The following NEBL variants were observed in gnomAD, a reference collection of about 807,000 sequenced individuals.
NEBL encodes LIM and SH3 protein 2.
A neutral mutation model predicts 140.2 loss-of-function variants in NEBL; 122 were observed. The observed-to-expected ratio is 0.87, with a 90% CI of 0.75 to 1.01. NEBL has a LOEUF of 1.01. Ranked by LOEUF, NEBL falls within the 50% of genes least tolerant of loss-of-function variation. NEBL has a pLI of 0.00. For synonymous variants in NEBL, 436 were observed against 398.9 expected, an observed-to-expected ratio of 1.09 and a Z score of -1.11; for missense variants, 1,365 against 1,231.3, an observed-to-expected ratio of 1.11 and a Z score of -1.62.
chr10:20,786,493 G>A (rs1835419574), intron 27 of NEBL, among the ~76,000 whole-genome samples: 1 of 152,170 alleles, frequency 6.6e-6, no homozygotes, highest in Admixed American at 6.5e-5. Context: ...TGATTATAAT[G>A]AGTTTTCCTA....
chr10:21,171,301 C>A (rs1337076478), intron 2 of NEBL, among the ~76,000 whole-genome samples: 1 of 145,438 alleles, frequency 6.9e-6, no homozygotes, highest in Admixed American at 7.0e-5. Flanking sequence ...TGCCATTGCA[C>A]TACAGCCTGG....
chr10:21,176,705 G>T (rs1841305725), upstream of NEBL, among the ~76,000 whole-genome samples: 1 of 152,128 alleles, frequency 6.6e-6, no homozygotes, highest in South Asian at 2.1e-4. Context: ...ATTGTTCCTT[G>T]TGTTAACTCT....
chr10:21,061,606 T>C (rs1467928120), intron 2 of NEBL, among the ~76,000 whole-genome samples: 1 of 151,460 alleles, frequency 6.6e-6, no homozygotes, highest in East Asian at 1.9e-4. Flanking sequence ...TAAACTTATC[T>C]GACGTTGGGA....
intron 3 of NEBL, among the ~76,000 whole-genome samples, chr10:21,221,242 AT>A (rs1326370951): frequency 6.6e-6 from 1 of 152,228 alleles, no homozygotes; most frequent in Admixed American, 6.5e-5. Flanking sequence ...ATATATAAAA[AT>A]ATCACGTTGT....
chr10:21,258,026 T>C (rs1842684345), intron 1 of NEBL, among the ~76,000 whole-genome samples: 1 of 152,218 alleles, frequency 6.6e-6, no homozygotes, highest in Non-Finnish European at 1.5e-5. Flanking sequence ...GATAAGATCT[T>C]GTGTTGTATT....
intron 2 of NEBL, among the ~76,000 whole-genome samples, chr10:21,094,723 C>T (rs1157644404): frequency 2.0e-5 from 3 of 152,102 alleles, no homozygotes; most frequent in Non-Finnish European, 4.4e-5. Flanking sequence ...GTAAATGGGA[C>T]TCTTGGGTGG....
chr10:21,189,921 C>A lies in NEBL; in HGVS notation n.349-17444G>T, dbSNP rs373337990. Reference sequence around the variant, plus strand: ...CCTTCTGGGCATCACAGCATCTCATCTCTGACTGATGCAAAATAACAGCTT... The same window carrying A: ...CCTTCTGGGCATCACAGCATCTCATATCTGACTGATGCAAAATAACAGCTT... On this transcript the variant is annotated intron_variant and non_coding_transcript_variant, in intron 3 of 8. Transcript: ENST00000675702. 3.9e-5 allele frequency among the ~76,000 whole-genome samples: 6 copies of A among 152,330 alleles called. No individual in the cohort carries two copies. The South Asian group carries it at 8.3e-4, about 21-fold the overall frequency.
At chr10:21,286,883 T>A (rs10828230) in intron 1 of NEBL, among the ~76,000 whole-genome samples, 6 of 151,758 alleles carry the variant, frequency 4.0e-5, no homozygotes, top group Non-Finnish European at 7.4e-5. Context: ...ACTGTAGAAA[T>A]CATACAGGAA....
chr10:21,243,901 A>G (rs891394648), intron 3 of NEBL, among the ~76,000 whole-genome samples: 15 of 142,756 alleles, frequency 1.1e-4, no homozygotes, highest in Non-Finnish European at 2.1e-4. Context: ...AGAGAGAGGA[A>G]GGAAGGAAGG....
At chr10:20,952,233 T>C (rs896374633) in intron 4 of NEBL, among the ~76,000 whole-genome samples, 2 of 152,120 alleles carry the variant, frequency 1.3e-5, no homozygotes, top group Non-Finnish European at 2.9e-5. Flanking sequence ...AGTCAGGAGT[T>C]TGAGACCAGC....
chr10:21,027,312 C>A (rs1235482579), intron 2 of NEBL, among the ~76,000 whole-genome samples: 21 of 138,468 alleles, frequency 1.5e-4, no homozygotes, highest in African/African-American at 4.1e-4. Flanking sequence ...AAAAAAAAAA[C>A]AACAACTTTT....
chr10:21,282,000 C>T (rs1034838171), intron 1 of NEBL, among the ~76,000 whole-genome samples: 25 of 152,196 alleles, frequency 1.6e-4, no homozygotes, highest in African/African-American at 6.0e-4. Context: ...AAAAGTTTCC[C>T]TCCTTCTGTC....
chr10:21,002,613 G>C (rs902246562), intron 3 of NEBL, among the ~76,000 whole-genome samples: 4 of 152,184 alleles, frequency 2.6e-5, no homozygotes, highest in African/African-American at 4.8e-5. Flanking sequence ...AGCATGGATG[G>C]AGAGGTCTCA....
intron 3 of NEBL, among the ~76,000 whole-genome samples, chr10:21,235,880 C>T (rs756422726): frequency 1.3e-4 from 20 of 152,152 alleles, no homozygotes; most frequent in African/African-American, 3.9e-4. Context: ...TGAGATGTGG[C>T]GATCATTCAT....
upstream of NEBL, among the ~76,000 whole-genome samples, chr10:21,178,422 C>T (rs1247199900): frequency 2.0e-5 from 3 of 152,170 alleles, no homozygotes; most frequent in African/African-American, 7.2e-5. Flanking sequence ...AAACTCTACT[C>T]TAGATACCAT....
At chr10:21,046,893 C>T (rs1054868899) in intron 2 of NEBL, among the ~76,000 whole-genome samples, 26 of 152,134 alleles carry the variant, frequency 1.7e-4, no homozygotes, top group African/African-American at 4.8e-4. Context: ...TGAGCCACCG[C>T]GCCCGGCCCC....
chr10:20,842,557 AC>A (rs1841497017), intron 12 of NEBL, among the ~76,000 whole-genome samples: 1 of 152,112 alleles, frequency 6.6e-6, no homozygotes, highest in Admixed American at 6.6e-5. Context: ...TTCAAATTAG[AC>A]AAGCTATAAC....
chr10:21,206,109 A>G (rs1166928889), intron 3 of NEBL, among the ~76,000 whole-genome samples: 1 of 152,218 alleles, frequency 6.6e-6, no homozygotes, highest in South Asian at 2.1e-4. Flanking sequence ...AATAAAACCA[A>G]TTACAAGAGA....
Position 21,172,421 on chromosome 10 carries a change from G to C in NEBL, c.126C>G (p.Asn42Lys), listed in dbSNP as rs1159200645. ...GCTTCTTTTCATAGCCTTTGTAGTT[G>C]TTCATGTTGAGTGCCATCTTGCAGA... Residue 42 changes from asparagine (N) to lysine (K), a missense_variant, in exon 2 of 7, where the codon AAC (asparagine) becomes AAG (lysine). By Grantham distance (94) the Asn-to-Lys change is moderately conservative. Transcript: ENST00000417816. 7 of 1,611,988 alleles carry C rather than the reference G, an allele frequency of 4.3e-6. No homozygotes were observed. The South Asian group carries it at 7.7e-5, about 18-fold the overall frequency.
Sources: allele counts gnomAD v4.1 joint callset (sites outside exome capture counted in the v4.1 genomes callset), GRCh38; gene constraint gnomAD v4.1.1; transcripts MANE v1.5; gene names NCBI Gene and HGNC (gene_info 2026-07-23, HGNC 2026-07-21).